Variants in EYS observed in about 807,000 individuals in gnomAD.
EYS encodes the protein protein eyes shut homolog.
In EYS, 250 loss-of-function variants were observed where a neutral mutation model predicts 282.1. The ratio of observed to expected loss-of-function variants is 0.89; its 90% CI spans 0.80 to 0.98. The LOEUF is 0.98. Among genes scored for constraint, EYS ranks in the 50% least tolerant of loss-of-function variants. The pLI, the probability that EYS is intolerant of heterozygous loss-of-function variation, is 0.00. For synonymous variants in EYS, 1,355 were observed against 1,282.9 expected (o/e 1.06, Z -1.20); for missense variants, 4,016 against 3,709.0 (o/e 1.08, Z -2.15).
intron 1 of EYS, among the ~76,000 whole-genome samples, chr6:65,690,722 C>T (rs989166543): frequency 2.7e-5 from 4 of 150,042 alleles, no homozygotes; most frequent in Admixed American, 1.3e-4. Flanking sequence ...TAATGCTATC[C>T]CTCCTCTAGC....
chr6:64,394,841 G>A (rs1773301648), intron 28 of EYS, among the ~76,000 whole-genome samples: 1 of 152,112 alleles, frequency 6.6e-6, no homozygotes, highest in South Asian at 2.1e-4. Context: ...AGAGTGAACA[G>A]GCAACTGACA....
At chr6:65,168,148 A>C (rs1765019806) in intron 12 of EYS, among the ~76,000 whole-genome samples, 1 of 151,260 alleles carries the variant, frequency 6.6e-6, no homozygotes, top group South Asian at 2.1e-4. Flanking sequence ...TAGTGACATG[A>C]CATTTTTTAA....
chr6:65,599,320 A>G (rs1765532378), intron 2 of EYS, among the ~76,000 whole-genome samples: 1 of 152,078 alleles, frequency 6.6e-6, no homozygotes. Flanking sequence ...ATTTGGAAAC[A>G]CATGGACCCA....
chr6:64,675,420 TTTTTTTTC>T lies in EYS; in HGVS notation c.3444-49183_3444-49176del, dbSNP rs777587373. ...TTCTTTTCGTTTTTCCTGTTTCTCTTTTTTTTTCTTTTTTTTTTTTTTTTTGAGATGGA... is the reference window on the plus strand; with the variant it reads ...TTCTTTTCGTTTTTCCTGTTTCTCTTTTTTTTTTTTTTTTTTTGAGATGGA... On this transcript the variant is annotated intron_variant, in intron 22 of 42. Coordinates refer to ENST00000503581, the MANE Select transcript of EYS (RefSeq NM_001142800.2). Among the ~76,000 whole-genome samples the T allele has an allele frequency of 7.5e-3, 654 of 87,012 alleles. 2 individuals are homozygous for T. Among genetic ancestry groups the T allele is most frequent in the Admixed American group, 0.013 (97 of 7,362 alleles). The allele number at this position is 87,012 out of a possible 152,430, so 57.1% of individuals were successfully genotyped here. A position where few individuals can be genotyped will look rare whatever the true frequency, so the allele number is the denominator to read the frequency against.
intron 2 of EYS, among the ~76,000 whole-genome samples, chr6:65,530,143 T>A (rs1184020048): frequency 6.6e-6 from 1 of 152,190 alleles, no homozygotes; most frequent in African/African-American, 2.4e-5. Flanking sequence ...GAAACTAAGA[T>A]TAATATAATG....
intron 35 of EYS, among the ~76,000 whole-genome samples, chr6:63,893,776 A>G (rs775796075): frequency 6.6e-6 from 1 of 152,166 alleles, no homozygotes; most frequent in Admixed American, 6.5e-5. Flanking sequence ...CCAAGCTTTA[A>G]ATTTATCTTC....
chr6:64,453,912 A>G (rs1289268543), intron 26 of EYS, among the ~76,000 whole-genome samples: 1 of 152,100 alleles, frequency 6.6e-6, no homozygotes, highest in Non-Finnish European at 1.5e-5. Context: ...ATGCTAAATG[A>G]CGAGTTAATG....
intron 15 of EYS, among the ~76,000 whole-genome samples, chr6:64,920,650 T>G (rs775273128): frequency 1.3e-5 from 2 of 152,198 alleles, no homozygotes; most frequent in Non-Finnish European, 2.9e-5. Context: ...TATGCAAGTA[T>G]AATATCCATA....
chr6:64,338,909 G>A (rs1309962760), intron 29 of EYS, among the ~76,000 whole-genome samples: 2 of 152,012 alleles, frequency 1.3e-5, no homozygotes, highest in Non-Finnish European at 2.9e-5. Context: ...AACAAATGGT[G>A]CTGAGATAAT....
At chr6:64,668,543 CTTTTTTTTTTT>C (rs35765768) in intron 22 of EYS, among the ~76,000 whole-genome samples, 15 of 76,156 alleles carry the variant, frequency 2.0e-4, no homozygotes, top group Non-Finnish European at 2.9e-4. Flanking sequence ...TACCACAATT[CTTTTTTTTTTT>C]TTTTTTTTTT....
At chr6:64,413,353 G>A (rs767882736) in intron 28 of EYS, among the ~76,000 whole-genome samples, 33 of 152,152 alleles carry the variant, frequency 2.2e-4, no homozygotes, top group Admixed American at 5.9e-4. Context: ...CCTTGCCAAT[G>A]TCCAAACATC....
intron 33 of EYS, among the ~76,000 whole-genome samples, chr6:64,024,030 G>T (rs1377310088): frequency 6.6e-6 from 1 of 152,172 alleles, no homozygotes; most frequent in Non-Finnish European, 1.5e-5. Context: ...CTCTCTGTGG[G>T]CTCCTGTGCT....
At chr6:64,892,136 GA>G in intron 18 of EYS, among the ~76,000 whole-genome samples, 1 of 151,738 alleles carries the variant, frequency 6.6e-6, no homozygotes, top group East Asian at 1.9e-4. Context: ...TAAAAAGATG[GA>G]AAAATACAAG....
At chr6:65,596,488 T>C (rs1765406855) in intron 2 of EYS, among the ~76,000 whole-genome samples, 1 of 152,074 alleles carries the variant, frequency 6.6e-6, no homozygotes, top group Non-Finnish European at 1.5e-5. Flanking sequence ...TTTATGTAAA[T>C]GCAACATATG....
chr6:65,398,641 G>A (rs1236704910), intron 7 of EYS, among the ~76,000 whole-genome samples: 1 of 151,944 alleles, frequency 6.6e-6, no homozygotes, highest in Admixed American at 6.6e-5. Flanking sequence ...AAACTAAAAG[G>A]TTTCTGCACA....
intron 22 of EYS, among the ~76,000 whole-genome samples, chr6:64,668,464 C>A (rs746374158): frequency 2.7e-5 from 4 of 150,658 alleles, no homozygotes; most frequent in Non-Finnish European, 5.9e-5. Context: ...TTAGGTGACA[C>A]AATTTGCTCC....
chr6:64,753,745 T>C lies in EYS; in HGVS notation c.3443+59633A>G, dbSNP rs77044804. 6.6e-5 allele frequency among the ~76,000 whole-genome samples: 10 copies of C among 151,940 alleles called. No homozygotes were observed. The East Asian group carries it at 1.7e-3, about 26-fold the overall frequency. On this transcript the variant is annotated intron_variant, in intron 22 of 42. Coordinates refer to ENST00000503581, the MANE Select transcript of EYS (RefSeq NM_001142800.2). ...GACACTAAACTTAAAATGGACTCCA[T>C]TGCAATGAACCTAATAGATGTCTAC...
chr6:64,344,252 C>G (rs1211728802), intron 29 of EYS, among the ~76,000 whole-genome samples: 3 of 151,518 alleles, frequency 2.0e-5, no homozygotes, highest in African/African-American at 4.8e-5. Flanking sequence ...GAGACACAAC[C>G]AAAAAAGAGG....
At chr6:65,018,534 T>A (rs1021257140) in intron 13 of EYS, among the ~76,000 whole-genome samples, 7 of 152,208 alleles carry the variant, frequency 4.6e-5, no homozygotes, top group African/African-American at 1.7e-4. Context: ...ACATCTGAAC[T>A]GATCCTATTT....
Sources: allele counts gnomAD v4.1 joint callset (sites outside exome capture counted in the v4.1 genomes callset), GRCh38; gene constraint gnomAD v4.1.1; transcripts MANE v1.5; gene names NCBI Gene and HGNC (gene_info 2026-07-23, HGNC 2026-07-21).